The following KDM5C variants were observed in gnomAD, a reference collection of about 807,000 sequenced individuals.
KDM5C encodes lysine-specific demethylase 5C.
Under a neutral mutation model 110.6 loss-of-function variants are expected in KDM5C, and 16 were observed. The ratio of observed to expected loss-of-function variants is 0.14; its 90% CI spans 0.10 to 0.22. The LOEUF is 0.22. Among genes scored for constraint, KDM5C ranks in the 10% least tolerant of loss-of-function variants. The probability of loss-of-function intolerance (pLI) is 1.00; values close to 1 mark genes in which losing one functional copy is unlikely to be tolerated. For missense variants in KDM5C, 681 were observed against 1,300.9 expected (o/e 0.52, Z 7.33); for synonymous variants, 511 against 520.4 (o/e 0.98, Z 0.24).
downstream of KDM5C, among the ~76,000 whole-genome samples, chrX:53,187,285 G>A (rs1934247555): frequency 9.0e-6 from 1 of 111,253 alleles, no homozygotes; most frequent in Non-Finnish European, 1.9e-5. Flanking sequence ...AAAGCCACTG[G>A]ACCCCCAAAA....
chrX:53,220,896 A>G lies in KDM5C; in HGVS notation c.171T>C (p.Ala57=). The G allele has an allele frequency of 3.3e-6, 4 of 1,210,495 alleles. No homozygotes were observed. The highest frequency in any genetic ancestry group is 4.5e-6 in the Non-Finnish European group (4 of 894,430). Reference sequence around the variant, plus strand: ...TAAACCTGAAGTTGTCCACTTCCACAGCAAAGGGTGGCTGCCAGTCCTGAG... The same window carrying G: ...TAAACCTGAAGTTGTCCACTTCCACGGCAAAGGGTGGCTGCCAGTCCTGAG... ...RPPADWQPPF[A]VEVDNFRFTP... The change falls in exon 2 of 26, where the codon GCT becomes GCC. Residue 57 remains alanine (A), a synonymous_variant. Transcript: ENST00000375401.
At chrX:53,210,937 G>C (rs2073538256) in intron 10 of KDM5C, 80 bp from the exon 11 acceptor site, 1 of 962,281 alleles carries the variant, frequency 1.0e-6, no homozygotes, top group African/African-American at 1.9e-5. Context: ...CTTTAGCCTA[G>C]GGAACCTTAA....
intron 25 of KDM5C, among the ~76,000 whole-genome samples, chrX:53,177,359 G>A (rs189422564): frequency 8.9e-6 from 1 of 111,963 alleles, no homozygotes; most frequent in Admixed American, 9.5e-5. Flanking sequence ...CAGCCTGGAT[G>A]ACAGAACAAG....
At chrX:53,209,439 AAGG>A (rs1360173289) in intron 12 of KDM5C, among the ~76,000 whole-genome samples, 2 of 111,687 alleles carry the variant, frequency 1.8e-5, no homozygotes, top group South Asian at 3.7e-4. Flanking sequence ...ATACCAAAAC[AAGG>A]AGAAGGCAAA....
chrX:53,204,620 C>T lies in KDM5C; in HGVS notation c.1747-2647G>A, dbSNP rs782008712. On this transcript the variant is annotated intron_variant, in intron 12 of 25. Transcript: ENST00000375401. ...CATGCCATTCTCCTGCCTCAGCCTCCCGAGTAGCTGGGACTACAGGCATCC... is the reference window on the plus strand; with the variant it reads ...CATGCCATTCTCCTGCCTCAGCCTCTCGAGTAGCTGGGACTACAGGCATCC... Among the ~76,000 whole-genome samples, 11 of 111,016 alleles carry T rather than the reference C, an allele frequency of 9.9e-5. No homozygotes were observed. In the East Asian group the frequency reaches 2.0e-3, roughly 20 times the overall value.
chrX:53,203,407 T>C (rs1222761319), intron 12 of KDM5C, among the ~76,000 whole-genome samples: 1 of 111,661 alleles, frequency 9.0e-6, no homozygotes, highest in Non-Finnish European at 1.9e-5. Context: ...TCTTGAGTGA[T>C]TTCATTAATG....
chrX:53,211,352 T>G (rs1181541057), intron 10 of KDM5C, 145 bp downstream of exon 10: 2 of 631,735 alleles, frequency 3.2e-6, no homozygotes, highest in East Asian at 7.1e-5. Context: ...GGTACCAGAC[T>G]GTTTTCTTTC....
chrX:53,180,513 T>G (rs1017324567), intron 25 of KDM5C, among the ~76,000 whole-genome samples: 6 of 110,198 alleles, frequency 5.4e-5, no homozygotes, highest in Non-Finnish European at 1.1e-4. Context: ...TGTGCCTGTG[T>G]AGGAGCAGGG....
At chrX:53,189,145 G>A (rs910436021), downstream of KDM5C, among the ~76,000 whole-genome samples, 1 of 112,417 alleles carries the variant, frequency 8.9e-6, no homozygotes, top group Non-Finnish European at 1.9e-5. Context: ...AGATAGGCGT[G>A]GAGGTTATGT....
At chrX:53,214,000 G>A (rs1481111446) in intron 8 of KDM5C, among the ~76,000 whole-genome samples, 2 of 110,227 alleles carry the variant, frequency 1.8e-5, no homozygotes, top group Non-Finnish European at 3.8e-5. Flanking sequence ...TGTTGCCCAG[G>A]CTGGAGTGCA....
Position 53,199,148 on chromosome X carries a change from T to A in KDM5C, c.2072A>T (p.Glu691Val). The change falls in exon 15 of 26, where the codon GAG becomes GTG. Residue 691 changes from glutamate (E) to valine (V), a missense_variant. Glu to Val is a moderately radical substitution (Grantham distance 121, BLOSUM62 -2). Coordinates refer to ENST00000375401, the MANE Select transcript of KDM5C (RefSeq NM_004187.5). The part of the protein sequence containing the change: ...RKALLEKGIT[E>V]AEREAFELLP... ...CAGCTCGAAAGCCTCTCGCTCAGCC[T>A]CTGTGATACCCTAAGGGCATTTAAC... 8.3e-7 allele frequency: 1 copy of A among 1,211,482 alleles called. No homozygotes were observed. The highest frequency in any genetic ancestry group is 2.2e-5 in the Admixed American group (1 of 46,030).
intron 1 of KDM5C, among the ~76,000 whole-genome samples, chrX:53,223,635 T>C (rs1429244035): frequency 8.9e-6 from 1 of 112,215 alleles, no homozygotes; most frequent in African/African-American, 3.2e-5. Flanking sequence ...TTTTCCACCA[T>C]ATCAGCAAGG....
At chrX:53,200,901 C>A (rs781935420) in intron 14 of KDM5C, among the ~76,000 whole-genome samples, 1 of 112,309 alleles carries the variant, frequency 8.9e-6, no homozygotes, top group Non-Finnish European at 1.9e-5. Flanking sequence ...GCAGGACCAC[C>A]TTCAGCTTGG....
At chrX:53,200,258 C>G (rs1023827437) in intron 14 of KDM5C, among the ~76,000 whole-genome samples, 1 of 111,613 alleles carries the variant, frequency 9.0e-6, no homozygotes, top group Non-Finnish European at 1.9e-5. Flanking sequence ...AGAGAATATT[C>G]TAAGGATGAA....
At chrX:53,177,647 C>T (rs1210928287) in intron 25 of KDM5C, among the ~76,000 whole-genome samples, 1 of 112,056 alleles carries the variant, frequency 8.9e-6, no homozygotes, top group Admixed American at 9.5e-5. Flanking sequence ...TAAATAATGT[C>T]CTTGCATCTG....
intron 4 of KDM5C, 67 bp downstream of exon 4, chrX:53,217,729 T>C: frequency 8.8e-7 from 1 of 1,133,976 alleles, no homozygotes; most frequent in South Asian, 1.8e-5. Flanking sequence ...CCAGTTTCAT[T>C]AAGAGCAAGT....
chrX:53,210,869 G>T lies in KDM5C; in HGVS notation c.1402-12C>A, dbSNP rs781796810. The T allele has an allele frequency of 1.7e-6, 2 of 1,202,567 alleles. No individual in the cohort carries two copies. The highest frequency in any genetic ancestry group is 3.5e-5 in the South Asian group (2 of 56,741). On this transcript the variant is annotated splice_polypyrimidine_tract_variant and intron_variant, in intron 10 of 25. Coordinates refer to ENST00000375401, the MANE Select transcript of KDM5C (RefSeq NM_004187.5). ...CTGGTAGCATACTCCTGCCAGGTCA[G>T]GTATTTGTAAAAAGGGCATGAGGGT...
intron 22 of KDM5C, 71 bp downstream of exon 22, chrX:53,194,860 C>T: frequency 8.4e-7 from 1 of 1,194,582 alleles, no homozygotes; most frequent in Non-Finnish European, 1.1e-6. Flanking sequence ...AAGCGGTCTG[C>T]TCATGGCCAC....
In KDM5C at chrX:53,192,882, C is replaced by CCCCCCCCCACA; in HGVS notation, c.*84_*85insTGTGGGGGGGG. 2 of 1,061,075 alleles carry CCCCCCCCCACA rather than the reference C, an allele frequency of 1.9e-6. No homozygotes were observed. Among genetic ancestry groups the CCCCCCCCCACA allele is most frequent in the Non-Finnish European group, 2.5e-6 (2 of 808,032 alleles). The allele number at this position is 1,061,075 out of a possible 1,213,427, so 87.4% of individuals were successfully genotyped here. ...GGCCACCCCCCTACCCGCCCACCCCCCAAGAAGCAGGCTTGATGGTCAGAA... is the reference window on the plus strand; with the variant it reads ...GGCCACCCCCCTACCCGCCCACCCCCCCCCCCCCACACAAGAAGCAGGCTTGATGGTCAGAA... On this transcript the variant is annotated 3_prime_UTR_variant, in exon 26 of 26. Coordinates refer to ENST00000375401, the MANE Select transcript of KDM5C (RefSeq NM_004187.5).
Sources: gnomAD v4.1 joint callset for allele counts (sites outside exome capture counted in the v4.1 genomes callset) on GRCh38, gnomAD v4.1.1 for gene constraint, MANE v1.5 for transcripts, NCBI Gene and HGNC (gene_info 2026-07-23, HGNC 2026-07-21) for gene names.